The following TBXAS1 variants were observed in gnomAD, a reference collection of about 807,000 sequenced individuals.
TBXAS1 encodes the protein thromboxane-A synthase.
TBXAS1 carries 48 observed loss-of-function variants against 60.7 expected under a neutral mutation model. That is an observed-to-expected ratio of 0.79 (90% CI 0.63 to 1.01). TBXAS1 has a LOEUF of 1.01. Ranked by LOEUF, TBXAS1 falls within the 50% of genes least tolerant of loss-of-function variation. The probability of loss-of-function intolerance (pLI) is 0.00; values close to 1 mark genes in which losing one functional copy is unlikely to be tolerated. For missense variants in TBXAS1, 685 were observed against 686.3 expected (o/e 1.00, Z 0.02); for synonymous variants, 287 against 269.7 (o/e 1.06, Z -0.63).
chr7:139,862,699 C>A (rs1441532872), intron 1 of TBXAS1, among the ~76,000 whole-genome samples: 2 of 152,086 alleles, frequency 1.3e-5, no homozygotes, highest in African/African-American at 2.4e-5. Context: ...CAGGAAGGAA[C>A]AATAATTGAG....
At chr7:139,959,114 A>C (rs762354232) in intron 8 of TBXAS1, among the ~76,000 whole-genome samples, 1 of 152,140 alleles carries the variant, frequency 6.6e-6, no homozygotes, top group East Asian at 1.9e-4. Flanking sequence ...AAGAGGTGAG[A>C]GGTTATTAAA....
intron 8 of TBXAS1, 45 bp downstream of exon 8, chr7:139,957,809 G>A (rs770898668): frequency 8.7e-6 from 14 of 1,612,566 alleles, no homozygotes; most frequent in South Asian, 4.4e-5. Context: ...GAATGGAGCC[G>A]ACTTTGGCAT....
intron 4 of TBXAS1, among the ~76,000 whole-genome samples, chr7:139,797,659 G>T (rs1387738646): frequency 6.6e-6 from 1 of 152,154 alleles, no homozygotes; most frequent in East Asian, 1.9e-4. Flanking sequence ...TTACATTCCT[G>T]TGTAGTCTTT....
intron 9 of TBXAS1, among the ~76,000 whole-genome samples, chr7:140,000,623 TCTCCCC>T (rs1259831799): frequency 6.6e-6 from 1 of 152,108 alleles, no homozygotes; most frequent in Non-Finnish European, 1.5e-5. Context: ...TATGAAAAAG[TCTCCCC>T]CAAAATGAAG....
intron 1 of TBXAS1, among the ~76,000 whole-genome samples, chr7:139,844,502 G>C (rs1469945768): frequency 6.6e-6 from 1 of 152,216 alleles, no homozygotes; most frequent in Non-Finnish European, 1.5e-5. Flanking sequence ...ACCAGCATTA[G>C]TGTACCAAAT....
intron 3 of TBXAS1, among the ~76,000 whole-genome samples, chr7:139,887,904 C>T (rs776972605): frequency 6.6e-6 from 1 of 152,186 alleles, no homozygotes. Context: ...TATAGCAATG[C>T]TTTGTTGTCC....
intron 4 of TBXAS1, among the ~76,000 whole-genome samples, chr7:139,921,668 A>C (rs1806482058): frequency 6.6e-6 from 1 of 152,360 alleles, no homozygotes; most frequent in South Asian, 2.1e-4. Context: ...GTGCCACTGC[A>C]CTGCAGCCTG....
intron 2 of TBXAS1, among the ~76,000 whole-genome samples, chr7:139,874,630 AC>A (rs1802081322): frequency 6.6e-6 from 1 of 151,410 alleles, no homozygotes; most frequent in African/African-American, 2.4e-5. Context: ...CCTTCATTCC[AC>A]CCCTTATGTA....
chr7:139,832,000 G>C (rs868382382), intron 1 of TBXAS1, among the ~76,000 whole-genome samples: 1 of 152,304 alleles, frequency 6.6e-6, no homozygotes, highest in African/African-American at 2.4e-5. Context: ...CAGGAGGCAG[G>C]ACTAGACTGC....
intron 3 of TBXAS1, among the ~76,000 whole-genome samples, chr7:139,894,836 C>A (rs1803954638): frequency 2.0e-5 from 3 of 152,208 alleles, no homozygotes; most frequent in Non-Finnish European, 4.4e-5. Flanking sequence ...TCAGTCTTTG[C>A]TACGTGTACA....
chr7:139,956,178 C>T (rs190197213), intron 7 of TBXAS1, among the ~76,000 whole-genome samples: 216 of 152,108 alleles, frequency 1.4e-3, no homozygotes, highest in African/African-American at 5.0e-3. Flanking sequence ...TGGAGTTTCG[C>T]TGTTGTTGTC....
At chr7:139,961,762 G>T (rs1392537750) in intron 8 of TBXAS1, among the ~76,000 whole-genome samples, 157 bp from the exon 9 acceptor site, 1 of 152,216 alleles carries the variant, frequency 6.6e-6, no homozygotes, top group Non-Finnish European at 1.5e-5. Context: ...TGGCTTCCAG[G>T]TTCTCACCGT....
intron 1 of TBXAS1, among the ~76,000 whole-genome samples, chr7:139,868,388 G>C (rs1409743609): frequency 6.6e-6 from 1 of 152,102 alleles, no homozygotes; most frequent in Non-Finnish European, 1.5e-5. Context: ...TCACTCATAA[G>C]TATCCCTAGT....
intron 1 of TBXAS1, among the ~76,000 whole-genome samples, chr7:139,835,510 TAAAC>T (rs1257482820): frequency 1.3e-5 from 2 of 152,252 alleles, no homozygotes; most frequent in Non-Finnish European, 2.9e-5. Context: ...ATACGCCACA[TAAAC>T]AAAATTAAAA....
Position 140,015,770 on chromosome 7 carries a change from T to C in TBXAS1, c.1274T>C (p.Ile425Thr), listed in dbSNP as rs1569525364. ...AQDCEVLGQR[I>T]PAGAVLEMAV... ...GACTGCGAGGTGCTGGGGCAGCGCA[T>C]CCCCGCAGGCGCTGTGCTAGAGATG... Residue 425 changes from isoleucine to threonine, a missense_variant, in exon 11 of 13, where the codon ATC becomes ACC. Transcript: ENST00000448866. The C allele has an allele frequency of 3.1e-6, 5 of 1,613,458 alleles. No homozygotes were observed. The Admixed American group carries it at 6.7e-5, about 22-fold the overall frequency.
chr7:139,809,384 G>A (rs1797973382), intron 4 of TBXAS1, among the ~76,000 whole-genome samples: 1 of 150,356 alleles, frequency 6.7e-6, no homozygotes, highest in Admixed American at 6.6e-5. Context: ...AGAACCAACA[G>A]GAGATAGATA....
chr7:139,820,515 C>T (rs796222528), intron 4 of TBXAS1, among the ~76,000 whole-genome samples: 21 of 152,252 alleles, frequency 1.4e-4, no homozygotes, highest in African/African-American at 3.6e-4. Context: ...GATGTTGACA[C>T]GCCAATGTTG....
At chr7:140,001,867 C>T (rs1813696504) in intron 9 of TBXAS1, among the ~76,000 whole-genome samples, 1 of 152,214 alleles carries the variant, frequency 6.6e-6, no homozygotes, top group African/African-American at 2.4e-5. Flanking sequence ...TTTTCACTGG[C>T]TTATTCTCAC....
chr7:139,966,279 G>A (rs1810779920), intron 9 of TBXAS1, among the ~76,000 whole-genome samples: 1 of 152,192 alleles, frequency 6.6e-6, no homozygotes, highest in African/African-American at 2.4e-5. Context: ...TCTGATGAGA[G>A]CTACATCTCT....
Sources: allele counts gnomAD v4.1 joint callset (sites outside exome capture counted in the v4.1 genomes callset), GRCh38; gene constraint gnomAD v4.1.1; transcripts MANE v1.5; gene names NCBI Gene and HGNC (gene_info 2026-07-23, HGNC 2026-07-21).